CBR4: variants seen among roughly 807,000 people sequenced by gnomAD.
The protein encoded by CBR4 is 3-oxoacyl-[acyl-carrier-protein] reductase.
A neutral mutation model predicts 21.0 loss-of-function variants in CBR4; 22 were observed. That is an observed-to-expected ratio of 1.05 (90% CI 0.75 to 1.50). The LOEUF (loss-of-function observed/expected upper bound fraction) is 1.50. Among genes scored for constraint, CBR4 ranks in the 40% most tolerant of loss-of-function variants. The pLI, the probability that CBR4 is intolerant of heterozygous loss-of-function variation, is 0.00. For synonymous variants in CBR4, 100 were observed against 104.4 expected (o/e 0.96, Z 0.26); for missense variants, 302 against 286.3 (o/e 1.05, Z -0.40).
Position 168,989,516 on chromosome 4 carries a change from G to C in CBR4, c.*634C>G. 3 of 985,350 alleles carry C rather than the reference G, an allele frequency of 3.0e-6. No homozygotes were observed. Among genetic ancestry groups the C allele is most frequent in the Non-Finnish European group, 2.4e-6 (2 of 829,892 alleles). The allele number at this position is 985,350 out of a possible 1,614,324, so 61.0% of individuals were successfully genotyped here. ...ATGTTTTGCAACCTGTATAAAAACT[G>C]ATCACCCAAGCACATGCAAAAGGAA... On this transcript the variant is annotated 3_prime_UTR_variant, in exon 5 of 5. Transcript: ENST00000306193.
intron 2 of CBR4, among the ~76,000 whole-genome samples, chr4:168,938,246 A>G (rs565437128): frequency 4.6e-5 from 7 of 152,344 alleles, no homozygotes; most frequent in Admixed American, 6.5e-5. Flanking sequence ...GCAGAAATAA[A>G]TAAGTTCTTT....
chr4:168,910,062 G>A (rs1758592623), intron 2 of CBR4, among the ~76,000 whole-genome samples: 1 of 152,082 alleles, frequency 6.6e-6, no homozygotes, highest in East Asian at 1.9e-4. Flanking sequence ...AGAATAGAGA[G>A]ATTACAAATG....
chr4:168,910,220 CTTTTT>C (rs70961563), intron 2 of CBR4, among the ~76,000 whole-genome samples: 4 of 114,002 alleles, frequency 3.5e-5, no homozygotes, highest in African/African-American at 6.4e-5. Context: ...AACCTGTTTA[CTTTTT>C]TTTTTTTTTT....
chr4:168,962,239 A>G (rs946428258), intron 2 of CBR4, among the ~76,000 whole-genome samples: 5 of 152,294 alleles, frequency 3.3e-5, no homozygotes, highest in African/African-American at 1.2e-4. Context: ...CTTGAAAGCG[A>G]AATATTTTAT....
At chr4:169,004,632 G>A (rs376105652) in intron 3 of CBR4, among the ~76,000 whole-genome samples, 1 of 151,994 alleles carries the variant, frequency 6.6e-6, no homozygotes, top group Non-Finnish European at 1.5e-5. Context: ...GTTTTATCAT[G>A]AGATTGCAGC....
intron 2 of CBR4, among the ~76,000 whole-genome samples, chr4:168,953,072 C>T (rs1159565955): frequency 6.6e-6 from 1 of 152,142 alleles, no homozygotes; most frequent in Non-Finnish European, 1.5e-5. Context: ...CTCAGACTCT[C>T]CTTGGGCAGG....
intron 2 of CBR4, chr4:168,897,945 G>A (rs765329220): frequency 6.6e-6 from 1 of 151,222 alleles, no homozygotes; most frequent in Non-Finnish European, 1.5e-5. Context: ...ATTGTTAGAG[G>A]TGGGGGAAAA....
chr4:169,000,379 GAAAAAAA>G (rs200093226), intron 4 of CBR4, among the ~76,000 whole-genome samples: 1 of 132,420 alleles, frequency 7.6e-6, no homozygotes, highest in Admixed American at 7.6e-5. Context: ...GTTGCTATGA[GAAAAAAA>G]AAAAAGAAAA....
At chr4:168,945,783 C>G (rs925916083) in intron 2 of CBR4, among the ~76,000 whole-genome samples, 1 of 152,112 alleles carries the variant, frequency 6.6e-6, no homozygotes, top group African/African-American at 2.4e-5. Flanking sequence ...CTACTATGTC[C>G]CCAAACAACA....
intron 2 of CBR4, among the ~76,000 whole-genome samples, chr4:168,962,778 T>C (rs942791796): frequency 6.6e-6 from 1 of 152,074 alleles, no homozygotes; most frequent in Non-Finnish European, 1.5e-5. Context: ...GGACAGAACT[T>C]TGAGAAATCA....
intron 2 of CBR4, among the ~76,000 whole-genome samples, chr4:168,929,420 ATT>A (rs1762896515): frequency 2.0e-5 from 3 of 152,126 alleles, no homozygotes; most frequent in Non-Finnish European, 4.4e-5. Flanking sequence ...TGTATTTCAC[ATT>A]GTCTTCTATA....
intron 2 of CBR4, among the ~76,000 whole-genome samples, chr4:168,978,851 C>T (rs1175421938): frequency 1.3e-5 from 2 of 152,168 alleles, no homozygotes; most frequent in Non-Finnish European, 2.9e-5. Flanking sequence ...TAGGCAAAGC[C>T]CACTGGCCTG....
Position 169,002,150 on chromosome 4 carries a change from T to C in CBR4, c.456A>G (p.Lys152=). Residue 152 remains lysine, a synonymous_variant, in exon 4 of 5, where the codon AAA becomes AAG. Transcript: ENST00000306193. ...NSGQSVYSAS[K]GGLVGFSRAL... is the part of the protein sequence containing the mutation. ...CACGTGAAAATCCAACTAATCCTCCTTTACTGGCACTGTAAACGGACTGGC... is the reference window on the plus strand; with the variant it reads ...CACGTGAAAATCCAACTAATCCTCCCTTACTGGCACTGTAAACGGACTGGC... The C allele has an allele frequency of 6.3e-7, 1 of 1,587,562 alleles. No individual in the cohort carries two copies. The highest frequency in any genetic ancestry group is 8.6e-7 in the Non-Finnish European group (1 of 1,169,398).
chr4:168,968,483 C>T (rs929028924), intron 2 of CBR4, among the ~76,000 whole-genome samples: 9 of 152,190 alleles, frequency 5.9e-5, no homozygotes, highest in Non-Finnish European at 1.2e-4. Flanking sequence ...AATGTGAACT[C>T]CTTCTGATTC....
chr4:168,918,155 C>G (rs1429945420), intron 2 of CBR4, among the ~76,000 whole-genome samples: 1 of 151,190 alleles, frequency 6.6e-6, no homozygotes, highest in Non-Finnish European at 1.5e-5. Context: ...TGCATTCCAA[C>G]CTGGGCAACA....
At chr4:168,923,916 C>T (rs577115025) in intron 2 of CBR4, among the ~76,000 whole-genome samples, 4 of 92,758 alleles carry the variant, frequency 4.3e-5, no homozygotes, top group African/African-American at 1.2e-4. Flanking sequence ...TGTGAATGAT[C>T]GGTAACATAA....
At chr4:168,997,767 C>T (rs898278311) in intron 4 of CBR4, among the ~76,000 whole-genome samples, 2 of 152,066 alleles carry the variant, frequency 1.3e-5, no homozygotes, top group Non-Finnish European at 2.9e-5. Context: ...AGGATTTTAG[C>T]CTATCACTAG....
chr4:168,999,001 T>C (rs1730177036), intron 4 of CBR4, among the ~76,000 whole-genome samples: 1 of 152,124 alleles, frequency 6.6e-6, no homozygotes, highest in Non-Finnish European at 1.5e-5. Context: ...AAAACACATA[T>C]TTTTTAAGGT....
At chr4:168,968,436 C>T (rs545975485) in intron 2 of CBR4, among the ~76,000 whole-genome samples, 1 of 152,294 alleles carries the variant, frequency 6.6e-6, no homozygotes, top group Admixed American at 6.5e-5. Context: ...AGCCCTAGGG[C>T]ACAACCATAA....
Sources: gnomAD v4.1 joint callset for allele counts (sites outside exome capture counted in the v4.1 genomes callset) on GRCh38, gnomAD v4.1.1 for gene constraint, MANE v1.5 for transcripts, NCBI Gene and HGNC (gene_info 2026-07-23, HGNC 2026-07-21) for gene names.